The following BICC1 variants were observed in gnomAD, a reference collection of about 807,000 sequenced individuals.
The protein encoded by BICC1 is BicC family RNA binding protein 1.
BICC1 carries 43 observed loss-of-function variants against 111.0 expected under a neutral mutation model. The observed-to-expected ratio is 0.39, with a 90% confidence interval of 0.30 to 0.50. The LOEUF (loss-of-function observed/expected upper bound fraction) is 0.50. Ranked by LOEUF, BICC1 falls within the 20% of genes least tolerant of loss-of-function variation. The pLI is 0.88. For missense variants in BICC1, 1,091 were observed against 1,203.2 expected (o/e 0.91, Z 1.38); for synonymous variants, 467 against 434.4 (o/e 1.07, Z -0.93).
At chr10:58,699,567 G>T (rs999986843) in intron 2 of BICC1, among the ~76,000 whole-genome samples, 4 of 152,094 alleles carry the variant, frequency 2.6e-5, no homozygotes, top group Non-Finnish European at 5.9e-5. Context: ...TCATAATATG[G>T]CCCTTGACTT....
chr10:58,619,591 C>T (rs1564516334), intron 1 of BICC1, among the ~76,000 whole-genome samples: 2 of 151,706 alleles, frequency 1.3e-5, no homozygotes, highest in Non-Finnish European at 2.9e-5. Context: ...TCTCCTGCCT[C>T]AGCCTCTCAA....
At chr10:58,578,167 G>A (rs1409223838) in intron 1 of BICC1, among the ~76,000 whole-genome samples, 1 of 152,122 alleles carries the variant, frequency 6.6e-6, no homozygotes, top group African/African-American at 2.4e-5. Flanking sequence ...GGGCTGATTT[G>A]TGATATAATT....
intron 2 of BICC1, among the ~76,000 whole-genome samples, chr10:58,634,953 A>T (rs997390729): frequency 2.6e-5 from 4 of 152,144 alleles, no homozygotes; most frequent in African/African-American, 9.7e-5. Flanking sequence ...CATCATATTC[A>T]TGTTGAGTAG....
chr10:58,707,196 A>G (rs920960938), intron 3 of BICC1, among the ~76,000 whole-genome samples: 1 of 152,258 alleles, frequency 6.6e-6, no homozygotes, highest in African/African-American at 2.4e-5. Context: ...TATCAGAACA[A>G]GTAGGTATCT....
chr10:58,827,100 C>A (rs73306957), intron 20 of BICC1, among the ~76,000 whole-genome samples: 20 of 152,308 alleles, frequency 1.3e-4, no homozygotes, highest in Admixed American at 2.0e-4. Flanking sequence ...TGTTTAACAT[C>A]AGAGTCGTCA....
intron 1 of BICC1, among the ~76,000 whole-genome samples, chr10:58,518,081 T>C (rs1045569113): frequency 2.0e-5 from 3 of 152,164 alleles, no homozygotes; most frequent in African/African-American, 7.2e-5. Context: ...CCATTAGACA[T>C]GAGTGTGGAG....
rs934487502 is a variant in BICC1 at position 58,649,707 on chromosome 10, A to G, written c.237+28806A>G. Among the ~76,000 whole-genome samples, 4 of 152,192 alleles carry G rather than the reference A, an allele frequency of 2.6e-5. No individual in the cohort carries two copies. The East Asian group carries it at 7.7e-4, about 29-fold the overall frequency. ...TTTTCTTTGATCCCTTTTTCCTCTGAATAGCTAATCTCTATTGGTACTATT... is the reference window on the plus strand; with the variant it reads ...TTTTCTTTGATCCCTTTTTCCTCTGGATAGCTAATCTCTATTGGTACTATT... On this transcript the variant is annotated intron_variant, in intron 2 of 20. Coordinates refer to ENST00000373886, the MANE Select transcript of BICC1 (RefSeq NM_001080512.3).
intron 2 of BICC1, among the ~76,000 whole-genome samples, chr10:58,694,905 G>A (rs955389288): frequency 1.3e-5 from 2 of 152,152 alleles, no homozygotes; most frequent in Admixed American, 6.6e-5. Context: ...AGTATGTGGT[G>A]CCTTCTGCTT....
intron 3 of BICC1, among the ~76,000 whole-genome samples, chr10:58,712,006 C>T (rs567516611): frequency 6.6e-6 from 1 of 151,996 alleles, no homozygotes; most frequent in African/African-American, 2.4e-5. Flanking sequence ...TAAAACCTAA[C>T]AATAAGAAAA....
chr10:58,750,268 G>C (rs1841949129), intron 3 of BICC1, among the ~76,000 whole-genome samples: 1 of 152,102 alleles, frequency 6.6e-6, no homozygotes, highest in South Asian at 2.1e-4. Flanking sequence ...ATGGCCAGTT[G>C]AAAGTTTTAT....
chr10:58,757,533 G>A (rs1842180733), intron 3 of BICC1, among the ~76,000 whole-genome samples: 2 of 152,050 alleles, frequency 1.3e-5, no homozygotes, highest in African/African-American at 4.8e-5. Flanking sequence ...TTATCAGTAA[G>A]TGATGTTATG....
At chr10:58,605,163 TGTGA>T (rs1845168255) in intron 1 of BICC1, among the ~76,000 whole-genome samples, 1 of 152,210 alleles carries the variant, frequency 6.6e-6, no homozygotes, top group Non-Finnish European at 1.5e-5. Flanking sequence ...CTCTTTGTGG[TGTGA>T]GTACTAAGCT....
At chr10:58,625,014 A>G (rs1390555790) in intron 2 of BICC1, among the ~76,000 whole-genome samples, 1 of 152,222 alleles carries the variant, frequency 6.6e-6, no homozygotes, top group Non-Finnish European at 1.5e-5. Flanking sequence ...AGATTAAACT[A>G]TGTATTTGCA....
At chr10:58,749,189 G>A (rs1439486180) in intron 3 of BICC1, among the ~76,000 whole-genome samples, 1 of 152,048 alleles carries the variant, frequency 6.6e-6, no homozygotes, top group Admixed American at 6.6e-5. Context: ...TTTGTATCCT[G>A]AGTCCATGGT....
chr10:58,663,876 G>A (rs915369551), intron 2 of BICC1, among the ~76,000 whole-genome samples: 68 of 152,322 alleles, frequency 4.5e-4, no homozygotes, highest in African/African-American at 1.5e-3. Flanking sequence ...CATCTCATTT[G>A]AGGTTGTTGG....
At chr10:58,638,959 G>A (rs1387170892) in intron 2 of BICC1, among the ~76,000 whole-genome samples, 2 of 131,848 alleles carry the variant, frequency 1.5e-5, no homozygotes, top group Admixed American at 1.6e-4. Flanking sequence ...CTTTCTTGCA[G>A]TTGACAAATA....
chr10:58,711,141 C>T (rs1026019252), intron 3 of BICC1, among the ~76,000 whole-genome samples: 1 of 152,162 alleles, frequency 6.6e-6, no homozygotes, highest in Non-Finnish European at 1.5e-5. Flanking sequence ...AGCCTCTGTG[C>T]CTACAGAATA....
At chr10:58,660,138 G>GA (rs1340841814) in intron 2 of BICC1, among the ~76,000 whole-genome samples, 4 of 152,128 alleles carry the variant, frequency 2.6e-5, no homozygotes, top group Non-Finnish European at 5.9e-5. Context: ...GTGCTGCAGT[G>GA]AGCCACAGGA....
At chr10:58,581,225 A>T (rs1844271539) in intron 1 of BICC1, among the ~76,000 whole-genome samples, 1 of 152,148 alleles carries the variant, frequency 6.6e-6, no homozygotes, top group South Asian at 2.1e-4. Context: ...GCCTCTTTTT[A>T]AAAGTGTTAA....
Sources: gnomAD v4.1 joint callset for allele counts (sites outside exome capture counted in the v4.1 genomes callset) on GRCh38, gnomAD v4.1.1 for gene constraint, MANE v1.5 for transcripts, NCBI Gene and HGNC (gene_info 2026-07-23, HGNC 2026-07-21) for gene names.